NCLN: variants seen among roughly 807,000 people sequenced by gnomAD.
The protein encoded by NCLN is nicalin.
In NCLN, 34 loss-of-function variants were observed where a neutral mutation model predicts 69.5. The ratio of observed to expected loss-of-function variants is 0.49; its 90% CI spans 0.37 to 0.65. The LOEUF is 0.65. Ranked by LOEUF, NCLN falls within the 30% of genes least tolerant of loss-of-function variation. The pLI is 0.00. For missense variants in NCLN, 710 were observed against 804.8 expected, an observed-to-expected ratio of 0.88 and a Z score of 1.42; for synonymous variants, 393 against 358.3, an observed-to-expected ratio of 1.10 and a Z score of -1.09.
chr19:3,204,969 C>A (rs1599359341), intron 9 of NCLN, among the ~76,000 whole-genome samples: 1 of 152,194 alleles, frequency 6.6e-6, no homozygotes, highest in Non-Finnish European at 1.5e-5. Context: ...AGCCTGAGGT[C>A]GTGGCCCCAT....
chr19:3,193,368 T>A lies in NCLN; in HGVS notation c.460T>A (p.Ser154Thr). 1 of 1,612,358 alleles carries A rather than the reference T, an allele frequency of 6.2e-7. No homozygotes were observed. The highest frequency in any genetic ancestry group is 1.1e-5 in the South Asian group (1 of 91,088). ...TGCCGTGGAGGACGAGGCCCTGCTG[T>A]CTATCTACAAGCAGACCCAGGCTGC... ...YFAVEDEALL[S>T]IYKQTQAASA... The change falls in exon 3 of 15, where the codon TCT (serine) becomes ACT (threonine). Residue 154 changes from serine (S) to threonine (T), a missense_variant. Coordinates refer to ENST00000246117, the MANE Select transcript of NCLN (RefSeq NM_020170.4).
intron 4 of NCLN, among the ~76,000 whole-genome samples, chr19:3,197,621 CTTT>C (rs34357515): frequency 4.6e-5 from 6 of 130,140 alleles, no homozygotes; most frequent in Non-Finnish European, 8.0e-5. Context: ...TTTTGTAATT[CTTT>C]TTTTTTTTTT....
At position 3,198,121 on chromosome 19, in the gene NCLN, C is replaced by T. The variant is rs111920476; in HGVS notation, c.616-696C>T. Among the ~76,000 whole-genome samples the T allele has an allele frequency of 2.0e-4, 31 of 152,338 alleles. 1 individual carries two copies. Among genetic ancestry groups the T allele is most frequent in the African/African-American group, 7.5e-4 (31 of 41,584 alleles). ...AGAGGCAGGGAGGGGTGCACACAGA[C>T]CCTGAAGGAACCCGAATGCCTGGCT... On this transcript the variant is annotated intron_variant, in intron 4 of 14. Coordinates refer to ENST00000246117, the MANE Select transcript of NCLN (RefSeq NM_020170.4).
In NCLN at chr19:3,186,191, A is replaced by G; in HGVS notation, c.161A>G (p.Tyr54Cys). ...TTCACCGTGTACCGCATGCAGCAGT[A>G]CGACCTGCAGGGCCAGCCCTACGGT... is the stretch of plus-strand genomic sequence containing the variant. ...HEFTVYRMQQ[Y>C]DLQGQPYGTR... is the part of the protein sequence containing the mutation. The change falls in exon 1 of 15, where the codon TAC (tyrosine) becomes TGC (cysteine). Residue 54 changes from tyrosine to cysteine, a missense_variant. Physicochemically the swap from Tyr to Cys is radical, Grantham distance 194. Transcript: ENST00000246117. The G allele has an allele frequency of 6.3e-7, 1 of 1,579,318 alleles. No homozygotes were observed. Among genetic ancestry groups the G allele is most frequent in the Non-Finnish European group, 8.6e-7 (1 of 1,166,652 alleles).
At chr19:3,199,498 C>T (rs117258628) in intron 5 of NCLN, among the ~76,000 whole-genome samples, 4 of 152,290 alleles carry the variant, frequency 2.6e-5, no homozygotes, top group Admixed American at 1.3e-4. Flanking sequence ...AAGCAGGGCC[C>T]GTGTGTAAAC....
intron 3 of NCLN, 80 bp from the exon 4 acceptor site, chr19:3,196,103 C>T (rs1915947006): frequency 9.6e-7 from 1 of 1,042,962 alleles, no homozygotes; most frequent in East Asian, 2.7e-5. Context: ...AGCCCCCAAC[C>T]TGGGGTGTCA....
chr19:3,198,587 G>A (rs1342134081), intron 4 of NCLN, among the ~76,000 whole-genome samples: 4 of 152,020 alleles, frequency 2.6e-5, no homozygotes, highest in Admixed American at 2.6e-4. Flanking sequence ...TCGACCTGAG[G>A]GCCAGAGCAG....
In NCLN at chr19:3,207,268, G is replaced by A. The variant is rs1842369567; in HGVS notation, c.1553+17G>A. 6.2e-7 allele frequency: 1 copy of A among 1,613,532 alleles called. No individual in the cohort carries two copies. Among genetic ancestry groups the A allele is most frequent in the South Asian group, 1.1e-5 (1 of 91,082 alleles). ...TGCGTACAGGTGAGTGGTGGCCAGC[G>A]GGACCTGGAGCCCTTCACCCCCTAC... is the stretch of plus-strand genomic sequence containing the variant. On this transcript the variant is annotated intron_variant, in intron 13 of 14. Coordinates refer to ENST00000246117, the MANE Select transcript of NCLN (RefSeq NM_020170.4).
intron 13 of NCLN, 35 bp downstream of exon 13, chr19:3,207,286 C>T: frequency 1.2e-6 from 2 of 1,613,312 alleles, no homozygotes; most frequent in South Asian, 1.1e-5. Context: ...GAGCCCTTCA[C>T]CCCCTACGGG....
intron 6 of NCLN, among the ~76,000 whole-genome samples, chr19:3,202,751 G>T (rs951517802): frequency 2.7e-5 from 4 of 147,858 alleles, no homozygotes; most frequent in Admixed American, 6.7e-5. Flanking sequence ...GCCAAAACTT[G>T]TTTTTTTTTT....
rs538392904 is a variant in NCLN at position 3,208,373 on chromosome 19, G to C, written c.*685G>C. ...CATCATTGACAGCCTTTGCTTCGTG[G>C]GGGCCTGGCAGGGCCCCTGCCTCCC... On this transcript the variant is annotated 3_prime_UTR_variant, in exon 15 of 15. Transcript: ENST00000246117. 6.6e-6 allele frequency: 1 copy of C among 152,500 alleles called. No homozygotes were observed. Among genetic ancestry groups the C allele is most frequent in the East Asian group, 1.9e-4 (1 of 5,176 alleles). 9.4% of individuals were successfully genotyped at this position (152,500 alleles called of 1,614,324 possible).
At chr19:3,188,995 T>C (rs1051062092) in intron 1 of NCLN, among the ~76,000 whole-genome samples, 4 of 152,180 alleles carry the variant, frequency 2.6e-5, no homozygotes, top group Non-Finnish European at 5.9e-5. Context: ...CCCGGTGTGC[T>C]TTCACCCCCG....
At chr19:3,199,951 C>T (rs1323512159) in intron 5 of NCLN, among the ~76,000 whole-genome samples, 2 of 152,126 alleles carry the variant, frequency 1.3e-5, no homozygotes, top group Non-Finnish European at 2.9e-5. Flanking sequence ...TTGCCCTCCT[C>T]AGCCTCCCAA....
intron 4 of NCLN, among the ~76,000 whole-genome samples, chr19:3,197,653 T>C (rs1186468226): frequency 2.8e-5 from 4 of 141,386 alleles, no homozygotes; most frequent in Non-Finnish European, 6.1e-5. Context: ...GGAGTTTCGC[T>C]CCTGTTGCCT....
At chr19:3,203,398 C>T (rs560271097) in intron 6 of NCLN, among the ~76,000 whole-genome samples, 13 of 152,320 alleles carry the variant, frequency 8.5e-5, no homozygotes, top group African/African-American at 2.9e-4. Flanking sequence ...TCGGTCACCC[C>T]GGTTCCTCCT....
intron 1 of NCLN, among the ~76,000 whole-genome samples, chr19:3,191,169 G>C (rs1457512183): frequency 6.6e-6 from 1 of 152,182 alleles, no homozygotes; most frequent in Admixed American, 6.5e-5. Context: ...CAAGTGGGGG[G>C]TCCGTGTGCA....
Position 3,205,554 on chromosome 19 carries a change from GCT to G in NCLN, c.1209-379_1209-378del, listed in dbSNP as rs1163494447. On this transcript the variant is annotated intron_variant, in intron 9 of 14. Transcript: ENST00000246117. This position sits in a 1 kb window ranked among gnomAD's most constrained non-coding sequence, Gnocchi z 4.6. ...TGCACGGCTGTCCCAGCTGTGCTGA[GCT>G]CTCTCAAGACCACCAGGGGTCAGCC... Among the ~76,000 whole-genome samples the G allele has an allele frequency of 1.3e-5, 2 of 152,222 alleles. No homozygotes were observed. Among genetic ancestry groups the G allele is most frequent in the Admixed American group, 6.5e-5 (1 of 15,288 alleles).
chr19:3,208,132 C>A lies in NCLN; in HGVS notation c.*444C>A. ...TCCCTGCTCCGTGTCTGTCCTAGGA[C>A]GTCCCCTCCCGCTCCCCGATGGTGG... On this transcript the variant is annotated 3_prime_UTR_variant, in exon 15 of 15. Coordinates refer to ENST00000246117, the MANE Select transcript of NCLN (RefSeq NM_020170.4). 6.0e-6 allele frequency: 1 copy of A among 166,632 alleles called. No homozygotes were observed. The highest frequency in any genetic ancestry group is 1.3e-5 in the Non-Finnish European group (1 of 77,426). 10.3% of individuals were successfully genotyped at this position (166,632 alleles called of 1,614,324 possible).
At chr19:3,196,349 C>A in intron 4 of NCLN, 72 bp downstream of exon 4, 1 of 1,180,498 alleles carries the variant, frequency 8.5e-7, no homozygotes, top group Non-Finnish European at 1.2e-6. Context: ...CTCCCCGGCT[C>A]GGCCGTACTA....
Sources: allele counts gnomAD v4.1 joint callset (sites outside exome capture counted in the v4.1 genomes callset), GRCh38; gene constraint gnomAD v4.1.1; non-coding constraint Gnocchi (gnomAD v3.1); transcripts MANE v1.5; gene names NCBI Gene and HGNC (gene_info 2026-07-23, HGNC 2026-07-21).